The following PTPRR variants were observed in gnomAD, a reference collection of about 807,000 sequenced individuals.
The protein encoded by PTPRR is protein tyrosine phosphatase receptor type R, also known as receptor-type tyrosine-protein phosphatase R.
In PTPRR, 38 loss-of-function variants were observed where a neutral mutation model predicts 77.2. The ratio of observed to expected loss-of-function variants is 0.49; its 90% CI spans 0.38 to 0.65. The LOEUF is 0.65. Among genes scored for constraint, PTPRR ranks in the 30% least tolerant of loss-of-function variants. The pLI is 0.00. For missense variants in PTPRR, 744 were observed against 799.2 expected, an observed-to-expected ratio of 0.93 and a Z score of 0.83; for synonymous variants, 299 against 283.1, an observed-to-expected ratio of 1.06 and a Z score of -0.57.
intron 13 of PTPRR, among the ~76,000 whole-genome samples, chr12:70,641,166 C>G (rs758168283): frequency 6.6e-6 from 1 of 152,200 alleles, no homozygotes; most frequent in Non-Finnish European, 1.5e-5. Context: ...GACACCACCA[C>G]AGTAAATATT....
intron 13 of PTPRR, among the ~76,000 whole-genome samples, chr12:70,654,795 T>C (rs900156147): frequency 2.0e-5 from 3 of 152,256 alleles, no homozygotes; most frequent in African/African-American, 7.2e-5. Flanking sequence ...TATGAGGTGA[T>C]TAGTAAACAT....
intron 2 of PTPRR, among the ~76,000 whole-genome samples, chr12:70,844,027 G>T (rs1174045707): frequency 1.3e-5 from 2 of 151,816 alleles, no homozygotes; most frequent in African/African-American, 4.8e-5. Flanking sequence ...TGTTGGCCAG[G>T]CTCGTCTCAA....
chr12:70,719,034 C>T (rs1018057203), intron 6 of PTPRR, among the ~76,000 whole-genome samples: 1 of 152,136 alleles, frequency 6.6e-6, no homozygotes, highest in Admixed American at 6.5e-5. Flanking sequence ...GGATAGAGTT[C>T]ATTTACTGAA....
intron 5 of PTPRR, among the ~76,000 whole-genome samples, chr12:70,747,452 A>G (rs1890249109): frequency 6.6e-6 from 1 of 152,238 alleles, no homozygotes; most frequent in African/African-American, 2.4e-5. Context: ...TATAATATGC[A>G]TATGAGAACA....
At chr12:70,797,909 C>A (rs559899191) in intron 2 of PTPRR, among the ~76,000 whole-genome samples, 1 of 152,208 alleles carries the variant, frequency 6.6e-6, no homozygotes, top group South Asian at 2.1e-4. Context: ...ATACTCTTTC[C>A]CTAGGAAATT....
rs1885900917 is a variant in PTPRR, at chr12:70,639,269, A to G, written c.1889T>C (p.Met630Thr). 1.9e-6 allele frequency: 3 copies of G among 1,613,052 alleles called. No individual in the cohort carries two copies. Among genetic ancestry groups the G allele is most frequent in the Non-Finnish European group, 8.5e-7 (1 of 1,179,824 alleles). The change falls in exon 14 of 14, where the codon ATG becomes ACG. Residue 630 changes from methionine (M) to threonine (T), a missense_variant. Met to Thr is a moderately conservative substitution (Grantham distance 81, BLOSUM62 -1). Around this residue, in one of 3 missense-constraint regions of PTPRR, gnomAD observed 170 missense variants for 209.8 expected, o/e 0.81. Transcript: ENST00000283228. Reference protein sequence around the residue: ...VCQLRMDRGGMVQTSEQYEFV... With the variant: ...VCQLRMDRGGTVQTSEQYEFV... Reference sequence around the variant, plus strand: ...TTCATACTGCTCACTGGTTTGCACCATTCCACCTCTGCAAGGAAGAAATCA... The same window carrying G: ...TTCATACTGCTCACTGGTTTGCACCGTTCCACCTCTGCAAGGAAGAAATCA...
At chr12:70,742,709 G>A (rs973909322) in intron 6 of PTPRR, among the ~76,000 whole-genome samples, 11 of 152,264 alleles carry the variant, frequency 7.2e-5, no homozygotes, top group Admixed American at 2.0e-4. Context: ...AACAGAATTC[G>A]AGGTGGGGAC....
chr12:70,687,949 G>A (rs574989387), intron 8 of PTPRR, among the ~76,000 whole-genome samples: 8 of 152,196 alleles, frequency 5.3e-5, no homozygotes, highest in African/African-American at 1.9e-4. Context: ...CTATGGAGAT[G>A]GAAGCTAGCA....
chr12:70,777,644 T>A (rs1891117721), intron 2 of PTPRR, among the ~76,000 whole-genome samples: 2 of 152,204 alleles, frequency 1.3e-5, no homozygotes, highest in African/African-American at 4.8e-5. Flanking sequence ...AAGTGATACC[T>A]TCAGTCTTAC....
intron 8 of PTPRR, among the ~76,000 whole-genome samples, chr12:70,696,722 C>T (rs748892861): frequency 6.6e-6 from 1 of 152,062 alleles, no homozygotes; most frequent in Non-Finnish European, 1.5e-5. Flanking sequence ...AATTTTATAA[C>T]ATTCAATTAG....
At chr12:70,653,090 A>C (rs1477792220) in intron 13 of PTPRR, among the ~76,000 whole-genome samples, 1 of 152,162 alleles carries the variant, frequency 6.6e-6, no homozygotes, top group Non-Finnish European at 1.5e-5. Flanking sequence ...TCTGGCACTA[A>C]ACAAGAACAC....
At chr12:70,688,175 C>T (rs949664) in intron 8 of PTPRR, among the ~76,000 whole-genome samples, 105,961 of 151,972 alleles carry the variant, frequency 0.7, 39,465 homozygotes, top group Non-Finnish European at 0.84. Flanking sequence ...TTGATGTGGG[C>T]AAAAATTTCT....
At chr12:70,802,000 C>A (rs2137021047) in intron 2 of PTPRR, among the ~76,000 whole-genome samples, 1 of 152,164 alleles carries the variant, frequency 6.6e-6, no homozygotes, top group African/African-American at 2.4e-5. Flanking sequence ...TAGGTTGTGG[C>A]CACAAAATTG....
At chr12:70,687,019 A>G (rs1166707696) in intron 8 of PTPRR, among the ~76,000 whole-genome samples, 1 of 152,174 alleles carries the variant, frequency 6.6e-6, no homozygotes, top group African/African-American at 2.4e-5. Context: ...CATTGCACTC[A>G]TTGTTGACTC....
chr12:70,816,762 A>G (rs1891909404), intron 2 of PTPRR, among the ~76,000 whole-genome samples: 1 of 152,050 alleles, frequency 6.6e-6, no homozygotes, highest in South Asian at 2.1e-4. Context: ...AAATCTCAAT[A>G]ACAAGAGAAA....
chr12:70,785,491 A>G (rs1891302173), intron 2 of PTPRR, among the ~76,000 whole-genome samples: 1 of 152,188 alleles, frequency 6.6e-6, no homozygotes, highest in South Asian at 2.1e-4. Context: ...GAAACTTTAA[A>G]TTCTATACAA....
At chr12:70,829,977 T>C (rs1407743601) in intron 2 of PTPRR, among the ~76,000 whole-genome samples, 1 of 152,154 alleles carries the variant, frequency 6.6e-6, no homozygotes, top group African/African-American at 2.4e-5. Context: ...GATTAATTGA[T>C]TTGCTGAATA....
At chr12:70,872,639 G>A (rs1369960033) in intron 2 of PTPRR, among the ~76,000 whole-genome samples, 3 of 137,754 alleles carry the variant, frequency 2.2e-5, no homozygotes, top group Non-Finnish European at 4.5e-5. Flanking sequence ...GAGCTTGCAT[G>A]AGCCAAGATC....
intron 6 of PTPRR, among the ~76,000 whole-genome samples, chr12:70,720,417 T>C (rs556373738): frequency 1.4e-4 from 21 of 152,292 alleles, no homozygotes; most frequent in Non-Finnish European, 2.1e-4. Context: ...ATATAGCAAC[T>C]GCTCCACAAA....
Sources: allele counts gnomAD v4.1 joint callset (sites outside exome capture counted in the v4.1 genomes callset), GRCh38; gene constraint gnomAD v4.1.1; regional missense constraint gnomAD v4.1.1; transcripts MANE v1.5; gene names NCBI Gene and HGNC (gene_info 2026-07-23, HGNC 2026-07-21).